Variants in AGBL1 observed in about 807,000 individuals in gnomAD.
AGBL1 encodes the protein AGBL carboxypeptidase 1, also known as cytosolic carboxypeptidase 4.
In AGBL1, 130 loss-of-function variants were observed where a neutral mutation model predicts 118.9. The observed-to-expected ratio is 1.09, with a 90% confidence interval of 0.95 to 1.26. The LOEUF (loss-of-function observed/expected upper bound fraction) is 1.26, where lower values mean the gene tolerates loss of function less well. Ranked by LOEUF, AGBL1 falls within the 50% of genes most tolerant of loss-of-function variation. The pLI, the probability that AGBL1 is intolerant of heterozygous loss-of-function variation, is 0.00. For missense variants in AGBL1, 1,584 were observed against 1,298.1 expected (o/e 1.22, Z -3.38); for synonymous variants, 555 against 478.9 (o/e 1.16, Z -2.08).
intron 22 of AGBL1, among the ~76,000 whole-genome samples, chr15:86,717,409 G>A (rs547081545): frequency 5.9e-5 from 9 of 152,240 alleles, no homozygotes; most frequent in African/African-American, 2.2e-4. Flanking sequence ...GCTAGGCTAA[G>A]CAATAGGGTG....
At chr15:86,135,376 C>T (rs2076875668) in intron 1 of AGBL1, among the ~76,000 whole-genome samples, 1 of 152,172 alleles carries the variant, frequency 6.6e-6, no homozygotes, top group Admixed American at 6.5e-5. Flanking sequence ...ATAAATTACC[C>T]AATCTCAAGC....
intron 18 of AGBL1, among the ~76,000 whole-genome samples, chr15:86,421,880 C>T (rs1241044199): frequency 6.6e-6 from 1 of 152,142 alleles, no homozygotes; most frequent in South Asian, 2.1e-4. Flanking sequence ...GGAAAGGGAT[C>T]AATGCAACAA....
At chr15:86,986,713 T>C (rs1596710272) in intron 23 of AGBL1, among the ~76,000 whole-genome samples, 1 of 152,218 alleles carries the variant, frequency 6.6e-6, no homozygotes, top group African/African-American at 2.4e-5. Flanking sequence ...TTTATTTGTG[T>C]TTATTTTATT....
At chr15:86,745,308 G>A (rs8030144) in intron 22 of AGBL1, among the ~76,000 whole-genome samples, 79,241 of 151,792 alleles carry the variant, frequency 0.52, 21,215 homozygotes, top group East Asian at 0.67. Flanking sequence ...TTTAAAAAAT[G>A]GGAATATAGA....
chr15:86,765,364 T>C (rs1174521465), intron 22 of AGBL1, among the ~76,000 whole-genome samples: 1 of 151,938 alleles, frequency 6.6e-6, no homozygotes, highest in Non-Finnish European at 1.5e-5. Context: ...GCCCTCACAG[T>C]CTAGTGAGGA....
chr15:86,745,083 T>C (rs2077736151), intron 22 of AGBL1, among the ~76,000 whole-genome samples: 1 of 152,104 alleles, frequency 6.6e-6, no homozygotes, highest in African/African-American at 2.4e-5. Flanking sequence ...TGTTTGCTGA[T>C]CCATTTCTTA....
intron 21 of AGBL1, among the ~76,000 whole-genome samples, chr15:86,576,638 A>T (rs562198471): frequency 6.6e-6 from 1 of 152,350 alleles, no homozygotes; most frequent in East Asian, 1.9e-4. Flanking sequence ...GCAGTGATAT[A>T]GTTTGGCTGT....
intron 7 of AGBL1, among the ~76,000 whole-genome samples, chr15:86,251,728 C>T (rs1369784752): frequency 6.6e-6 from 1 of 151,602 alleles, no homozygotes; most frequent in Non-Finnish European, 1.5e-5. Context: ...GATCATAGTG[C>T]AGCAAGGGTG....
intron 21 of AGBL1, among the ~76,000 whole-genome samples, chr15:86,635,044 A>AT: frequency 6.6e-6 from 1 of 152,306 alleles, no homozygotes; most frequent in South Asian, 2.1e-4. Flanking sequence ...AACTGATAAA[A>AT]TTGTTTTATG....
At chr15:86,354,402 C>T (rs1036647789) in intron 17 of AGBL1, among the ~76,000 whole-genome samples, 8 of 152,210 alleles carry the variant, frequency 5.3e-5, no homozygotes, top group Admixed American at 2.6e-4. Context: ...GCATGGCCTA[C>T]TCATGTTCGT....
intron 22 of AGBL1, among the ~76,000 whole-genome samples, chr15:86,724,196 A>T (rs966600533): frequency 7.4e-6 from 1 of 135,512 alleles, no homozygotes; most frequent in Admixed American, 8.5e-5. Flanking sequence ...CGATAGCGCC[A>T]CTGCGCTCCA....
At chr15:86,831,933 A>C (rs1248031348) in intron 22 of AGBL1, among the ~76,000 whole-genome samples, 1 of 152,068 alleles carries the variant, frequency 6.6e-6, no homozygotes, top group Admixed American at 6.5e-5. Context: ...GTGTTTCCAT[A>C]CGTCTTCTGA....
chr15:86,622,306 G>C (rs1202579809), intron 21 of AGBL1, among the ~76,000 whole-genome samples: 2 of 150,624 alleles, frequency 1.3e-5, no homozygotes, highest in African/African-American at 2.5e-5. Context: ...CTCCAACCTG[G>C]GTGACAAGAC....
intron 23 of AGBL1, among the ~76,000 whole-genome samples, chr15:86,965,054 C>G (rs1417730810): frequency 1.3e-5 from 2 of 152,000 alleles, no homozygotes; most frequent in Non-Finnish European, 2.9e-5. Flanking sequence ...GGGTTGTTTC[C>G]AAGTCTTTGC....
At chr15:86,823,952 A>G (rs2078974025) in intron 22 of AGBL1, among the ~76,000 whole-genome samples, 1 of 152,146 alleles carries the variant, frequency 6.6e-6, no homozygotes, top group South Asian at 2.1e-4. Flanking sequence ...ATCTACAAAA[A>G]AAGCATATGA....
chr15:86,594,468 A>C (rs1050600287), intron 21 of AGBL1, among the ~76,000 whole-genome samples: 1 of 152,196 alleles, frequency 6.6e-6, no homozygotes. Context: ...AAACTGAAGA[A>C]TATTGCTATA....
chr15:86,655,757 C>T (rs1252414419), intron 21 of AGBL1, among the ~76,000 whole-genome samples: 1 of 152,134 alleles, frequency 6.6e-6, no homozygotes, highest in African/African-American at 2.4e-5. Flanking sequence ...GGAAACACTT[C>T]AAGAAAGTGT....
intron 5 of AGBL1, among the ~76,000 whole-genome samples, chr15:86,188,683 A>G (rs2077670720): frequency 6.6e-6 from 1 of 152,224 alleles, no homozygotes; most frequent in African/African-American, 2.4e-5. Flanking sequence ...ATGCAGAAGC[A>G]ATTAACAACA....
At chr15:86,919,757 G>T (rs80245832), downstream of AGBL1, among the ~76,000 whole-genome samples, 1 of 152,140 alleles carries the variant, frequency 6.6e-6, no homozygotes, top group South Asian at 2.1e-4. Flanking sequence ...GCTCTCTCAC[G>T]ATGTTTTATA....
Sources: gnomAD v4.1 joint callset for allele counts (sites outside exome capture counted in the v4.1 genomes callset) on GRCh38, gnomAD v4.1.1 for gene constraint, MANE v1.5 for transcripts, NCBI Gene and HGNC (gene_info 2026-07-23, HGNC 2026-07-21) for gene names.